The following TARBP2 variants were observed in gnomAD, a reference collection of about 807,000 sequenced individuals.
TARBP2 encodes TARBP2 subunit of RISC loading complex.
TARBP2 carries 23 observed loss-of-function variants against 40.4 expected under a neutral mutation model. The ratio of observed to expected loss-of-function variants is 0.57; its 90% CI spans 0.41 to 0.81. The LOEUF (loss-of-function observed/expected upper bound fraction) is 0.81. Ranked by LOEUF, TARBP2 falls within the 30% of genes least tolerant of loss-of-function variation. TARBP2 has a pLI of 0.00. For synonymous variants in TARBP2, 183 were observed against 190.5 expected (o/e 0.96, Z 0.32); for missense variants, 358 against 473.7 (o/e 0.76, Z 2.27).
intron 3 of TARBP2, chr12:53,503,349 T>A: frequency 9.2e-7 from 1 of 1,087,544 alleles, no homozygotes. Flanking sequence ...GTTGTGGCAG[T>A]AGGTTGGGGC....
At position 53,505,320 on chromosome 12, in the gene TARBP2, C is replaced by T; in HGVS notation, c.741+58C>T. ...CCATCCTCCATGCCAGGGCAGGGCTCCAGGGACTTGGGTCTGTGACTCAGC... is the reference window on the plus strand; with the variant it reads ...CCATCCTCCATGCCAGGGCAGGGCTTCAGGGACTTGGGTCTGTGACTCAGC... On this transcript the variant is annotated intron_variant, in intron 7 of 8. Transcript: ENST00000266987. This position sits in a 1 kb window ranked among gnomAD's most constrained non-coding sequence, Gnocchi z 4.5. 1 of 1,535,736 alleles carries T rather than the reference C, an allele frequency of 6.5e-7. No individual in the cohort carries two copies. The highest frequency in any genetic ancestry group is 2.0e-5 in the Admixed American group (1 of 50,934).
intron 3 of TARBP2, chr12:53,503,415 A>G (rs1943810490): frequency 1.3e-5 from 8 of 615,414 alleles, no homozygotes; most frequent in East Asian, 3.1e-5. Context: ...TTACTCCCCA[A>G]CATACCTCCT....
chr12:53,502,857 G>A, intron 2 of TARBP2, 170 bp from the exon 3 acceptor site: 1 of 607,828 alleles, frequency 1.6e-6, no homozygotes, highest in Non-Finnish European at 2.7e-6. Flanking sequence ...GGAAAGATAA[G>A]GGCTCTTCCT....
At position 53,505,312 on chromosome 12, in the gene TARBP2, G is replaced by A; in HGVS notation, c.741+50G>A. The A allele has an allele frequency of 6.5e-7, 1 of 1,545,484 alleles. No homozygotes were observed. Among genetic ancestry groups the A allele is most frequent in the Non-Finnish European group, 8.8e-7 (1 of 1,140,038 alleles). On this transcript the variant is annotated intron_variant, in intron 7 of 8. Coordinates refer to ENST00000266987, the MANE Select transcript of TARBP2 (RefSeq NM_134323.2). This position sits in a 1 kb window ranked among gnomAD's most constrained non-coding sequence, Gnocchi z 4.5. ...ACCGTGGCCCATCCTCCATGCCAGG[G>A]CAGGGCTCCAGGGACTTGGGTCTGT...
At chr12:53,503,683 T>C in intron 3 of TARBP2, 30 bp from the exon 4 acceptor site, 1 of 1,537,260 alleles carries the variant, frequency 6.5e-7, no homozygotes. Flanking sequence ...TACATGGGTG[T>C]GAATCAAAGG....
At position 53,505,261 on chromosome 12, in the gene TARBP2, T is replaced by C. The variant is rs768939962; in HGVS notation, c.740T>C (p.Ile247Thr). ...GAGCCTGATGATGACCACTTCTCCA[T>C]TGTGAGTGGCTCATGTGGGCCGGGC... Reference protein sequence around the residue: ...EVEPDDDHFSIGVGSRLDGLR... With the variant: ...EVEPDDDHFSTGVGSRLDGLR... Residue 247 changes from isoleucine to threonine, a missense_variant and splice_region_variant, in exon 7 of 9, where the codon ATT becomes ACT. Coordinates refer to ENST00000266987, the MANE Select transcript of TARBP2 (RefSeq NM_134323.2). The surrounding 1 kb of genome is among the most constrained non-coding windows in gnomAD (Gnocchi z 4.5). The C allele has an allele frequency of 1.8e-5, 29 of 1,590,062 alleles. No homozygotes were observed. The highest frequency in any genetic ancestry group is 2.2e-5 in the South Asian group (2 of 89,914).
In TARBP2 at chr12:53,506,089, C is replaced by T. The variant is rs747821228; in HGVS notation, c.1042C>T (p.Arg348Cys). The stretch of plus-strand genomic sequence containing the variant: ...CTCTGCAACCACCAGGGAGGCAGCC[C>T]GTGGTGAGGCTGCCCGCCGTGCCCT... The part of the protein sequence containing the change: ...HGSATTREAA[R>C]GEAARRALQY... Residue 348 changes from arginine to cysteine, a missense_variant, in exon 9 of 9, where the codon CGT becomes TGT. Physicochemically the swap from Arg to Cys is radical, Grantham distance 180. This residue lies in a region of TARBP2 where 317 missense variants were observed against 422.9 expected (regional missense o/e 0.75). Coordinates refer to ENST00000266987, the MANE Select transcript of TARBP2 (RefSeq NM_134323.2). The T allele has an allele frequency of 1.2e-6, 2 of 1,613,850 alleles. No homozygotes were observed. Among genetic ancestry groups the T allele is most frequent in the Non-Finnish European group, 1.7e-6 (2 of 1,179,980 alleles).
Position 53,505,066 on chromosome 12 carries a change from A to G in TARBP2, c.614-69A>G. The G allele has an allele frequency of 1.3e-6, 2 of 1,546,994 alleles. No homozygotes were observed. The highest frequency in any genetic ancestry group is 1.8e-6 in the Non-Finnish European group (2 of 1,140,180). ...ACATTCTGGGGGGACCCTCAATCCA[A>G]GTATGACCTGGGTGGAAGCACTGGG... On this transcript the variant is annotated intron_variant, in intron 6 of 8. Coordinates refer to ENST00000266987, the MANE Select transcript of TARBP2 (RefSeq NM_134323.2). The surrounding 1 kb of genome is among the most constrained non-coding windows in gnomAD (Gnocchi z 4.5).
chr12:53,501,244 A>G (rs1204236491), upstream of TARBP2: 6 of 705,336 alleles, frequency 8.5e-6, no homozygotes, highest in Non-Finnish European at 1.4e-5. Context: ...CTCCAGATGG[A>G]GGCTCACGAA....
chr12:53,504,930 C>T, intron 6 of TARBP2, 115 bp downstream of exon 6: 1 of 1,451,560 alleles, frequency 6.9e-7, no homozygotes, highest in Non-Finnish European at 9.5e-7. Context: ...GCTTCACAGT[C>T]CCTAGCTCAG....
chr12:53,504,363 C>T, intron 4 of TARBP2, 34 bp from the exon 5 acceptor site: 1 of 1,527,254 alleles, frequency 6.5e-7, no homozygotes. Flanking sequence ...TGGAACCCTT[C>T]ACCTCAACTT....
chr12:53,504,282 G>C, intron 4 of TARBP2, 115 bp from the exon 5 acceptor site: 1 of 981,666 alleles, frequency 1.0e-6, no homozygotes. Context: ...CTCCCCACCC[G>C]GTGGAATCGG....
At position 53,504,822 on chromosome 12, in the gene TARBP2, G is replaced by C. The variant is rs1163709701; in HGVS notation, c.613+7G>C. On this transcript the variant is annotated splice_region_variant and intron_variant, in intron 6 of 8. Coordinates refer to ENST00000266987, the MANE Select transcript of TARBP2 (RefSeq NM_134323.2). ...GAGCGTTTCATTGAGATTGGTAACT[G>C]GGCAAGAAGGGGTTCTCACAACTCC... 6.2e-7 allele frequency: 1 copy of C among 1,613,392 alleles called. No individual in the cohort carries two copies. The highest frequency in any genetic ancestry group is 8.5e-7 in the Non-Finnish European group (1 of 1,179,502).
chr12:53,504,672 C>T, intron 5 of TARBP2, 26 bp from the exon 6 acceptor site: 1 of 1,614,176 alleles, frequency 6.2e-7, no homozygotes. Context: ...CACTCAGCCT[C>T]ATGCACCCTG....
chr12:53,504,853 C>T (rs575194932), intron 6 of TARBP2, 38 bp downstream of exon 6: 43 of 1,607,054 alleles, frequency 2.7e-5, no homozygotes, highest in South Asian at 1.7e-4. Flanking sequence ...ACTCCTCTCC[C>T]GCAGCACTCT....
chr12:53,504,557 G>A (rs1943874720), intron 5 of TARBP2, 88 bp downstream of exon 5: 1 of 1,602,406 alleles, frequency 6.2e-7, no homozygotes, highest in African/African-American at 1.3e-5. Context: ...GGGGGTGGGG[G>A]CGGTTCCTTG....
intron 1 of TARBP2, 66 bp downstream of exon 1, chr12:53,501,527 G>GT: frequency 6.5e-7 from 1 of 1,547,548 alleles, no homozygotes; most frequent in Non-Finnish European, 8.7e-7. Flanking sequence ...GAGTAGCGGC[G>GT]CGGCCCCAGC....
intron 5 of TARBP2, 95 bp from the exon 6 acceptor site, chr12:53,504,602 TC>T (rs1203845286): frequency 6.2e-7 from 1 of 1,609,858 alleles, no homozygotes; most frequent in African/African-American, 1.3e-5. Flanking sequence ...CTCTCCTTCC[TC>T]TCACCTAGAG....
chr12:53,502,776 C>T (rs1363474655), intron 2 of TARBP2: 5 of 360,474 alleles, frequency 1.4e-5, no homozygotes, highest in Non-Finnish European at 2.0e-5. Flanking sequence ...AAAGCATTTG[C>T]GCTCAGAAGT....
Sources: allele counts gnomAD v4.1 joint callset, GRCh38; gene constraint gnomAD v4.1.1; regional missense constraint gnomAD v4.1.1; non-coding constraint Gnocchi (gnomAD v3.1); transcripts MANE v1.5; gene names NCBI Gene and HGNC (gene_info 2026-07-23, HGNC 2026-07-21).